The following LAMB4 variants were observed in gnomAD, a reference collection of about 807,000 sequenced individuals.
The protein encoded by LAMB4 is laminin subunit beta 4.
In LAMB4, 196 loss-of-function variants were observed where a neutral mutation model predicts 199.2. The ratio of observed to expected loss-of-function variants is 0.98; its 90% CI spans 0.88 to 1.11. The LOEUF is 1.11. Ranked by LOEUF, LAMB4 falls within the 50% of genes least tolerant of loss-of-function variation. The pLI is 0.00. For missense variants in LAMB4, 2,080 were observed against 2,171.2 expected (o/e 0.96, Z 0.83); for synonymous variants, 744 against 770.6 (o/e 0.97, Z 0.57).
intron 11 of LAMB4, among the ~76,000 whole-genome samples, chr7:108,096,494 T>C (rs959287332): frequency 6.6e-6 from 1 of 152,182 alleles, no homozygotes; most frequent in African/African-American, 2.4e-5. Context: ...CTGCTTTCAA[T>C]TATTTTGGGT....
intron 1 of LAMB4, among the ~76,000 whole-genome samples, chr7:108,129,261 TGC>T (rs2150714269): frequency 1.3e-5 from 2 of 152,132 alleles, no homozygotes; most frequent in African/African-American, 4.8e-5. Flanking sequence ...AGGAAAGACA[TGC>T]ATTCCGCTCC....
At chr7:108,104,700 C>G in intron 8 of LAMB4, 81 bp from the exon 9 acceptor site, 1 of 1,524,618 alleles carries the variant, frequency 6.6e-7, no homozygotes, top group Non-Finnish European at 8.9e-7. Flanking sequence ...AAATGAAATA[C>G]CAGGTCCTGG....
rs146687998 is a variant in LAMB4, at chr7:108,115,202, C to T, written c.192+802G>A. Among the ~76,000 whole-genome samples the T allele has an allele frequency of 2.6e-3, 395 of 152,280 alleles. 1 individual carries two copies. Among genetic ancestry groups the T allele is most frequent in the African/African-American group, 9.0e-3 (373 of 41,548 alleles). The stretch of plus-strand genomic sequence containing the variant: ...AGACTAACCAAAAAGACTTTTATGT[C>T]TCATTCTGAAGGTAACAGGAAATGG... On this transcript the variant is annotated intron_variant, in intron 3 of 33. Coordinates refer to ENST00000388781, the MANE Select transcript of LAMB4 (RefSeq NM_007356.3).
chr7:108,040,426 A>T (rs1193461490), intron 29 of LAMB4, among the ~76,000 whole-genome samples: 3 of 152,208 alleles, frequency 2.0e-5, no homozygotes, highest in African/African-American at 7.2e-5. Context: ...GTTCATATGG[A>T]ACAAAAAAAC....
chr7:108,027,065 A>G (rs771959347), intron 33 of LAMB4: 1 of 340,986 alleles, frequency 2.9e-6, no homozygotes, highest in Non-Finnish European at 5.7e-6. Context: ...TGTATGACAT[A>G]AACAATATGA....
chr7:108,061,241 G>GA (rs2036149387), intron 23 of LAMB4, among the ~76,000 whole-genome samples: 1 of 151,998 alleles, frequency 6.6e-6, no homozygotes, highest in South Asian at 2.1e-4. Context: ...TCCTGGAACA[G>GA]AAAAAGGACA....
At chr7:108,098,340 GACAA>G (rs2037694982) in intron 11 of LAMB4, 59 bp downstream of exon 11, 4 of 1,488,106 alleles carry the variant, frequency 2.7e-6, no homozygotes, top group Admixed American at 4.5e-5. Context: ...CTCAAAAACA[GACAA>G]ACCAACCAAC....
chr7:108,027,628 A>T (rs2034882669), intron 33 of LAMB4, among the ~76,000 whole-genome samples: 1 of 152,246 alleles, frequency 6.6e-6, no homozygotes, highest in Non-Finnish European at 1.5e-5. Context: ...AAGTTTTAGA[A>T]GATAATAAAT....
intron 23 of LAMB4, among the ~76,000 whole-genome samples, chr7:108,058,343 T>C (rs1370845941): frequency 6.6e-6 from 1 of 152,256 alleles, no homozygotes; most frequent in Non-Finnish European, 1.5e-5. Flanking sequence ...GAATGTATGA[T>C]GTAGTTTTCA....
In LAMB4 at chr7:108,063,910, G is replaced by A. The variant is rs781537712; in HGVS notation, c.2912C>T (p.Ala971Val). 9 of 1,614,050 alleles carry A rather than the reference G, an allele frequency of 5.6e-6. No individual in the cohort carries two copies. The highest frequency in any genetic ancestry group is 7.6e-6 in the Non-Finnish European group (9 of 1,180,032). ...RISGAPCQPC[A>V]CNNNIDVTDP... ...GGTTACATCTATGTTGTTGTTGCAG[G>A]CACATGGTTGGCAAGGTGCTCCTGA... Residue 971 changes from alanine (A) to valine (V), a missense_variant, in exon 22 of 34, where the codon GCC becomes GTC. Transcript: ENST00000388781.
At chr7:108,047,769 C>G (rs1220329851) in intron 28 of LAMB4, 139 bp downstream of exon 28, 6 of 672,344 alleles carry the variant, frequency 8.9e-6, no homozygotes, top group Non-Finnish European at 1.3e-5. Context: ...TAATTTTATC[C>G]TATATTTCCA....
chr7:108,054,438 A>T (rs1214872311), intron 25 of LAMB4, among the ~76,000 whole-genome samples: 1 of 152,146 alleles, frequency 6.6e-6, no homozygotes, highest in East Asian at 1.9e-4. Context: ...CCCTATAGAT[A>T]ATGAGTTACC....
chr7:108,116,614 C>G (rs1329705016), intron 2 of LAMB4, among the ~76,000 whole-genome samples: 1 of 152,146 alleles, frequency 6.6e-6, no homozygotes, highest in Non-Finnish European at 1.5e-5. Flanking sequence ...TCTAGCATTT[C>G]CCAAATTTAT....
Position 108,024,056 on chromosome 7 carries a change from C to T in LAMB4, c.5269G>A (p.Ala1757Thr), listed in dbSNP as rs1307864593. 57 of 1,609,078 alleles carry T rather than the reference C, an allele frequency of 3.5e-5. No homozygotes were observed. The highest frequency in any genetic ancestry group is 4.8e-5 in the Non-Finnish European group (57 of 1,178,494). The change falls in exon 34 of 34, where the codon GCT (alanine) becomes ACT (threonine). Residue 1757 changes from alanine to threonine, a missense_variant. Coordinates refer to ENST00000388781, the MANE Select transcript of LAMB4 (RefSeq NM_007356.3). ...AACTCTGCCTAGCTATAGCACCTAG[C>T]ATATTTTTTTTCTTGTTCAACAATT... ...NEIVEQEKKY[A>T]RCYS
intron 18 of LAMB4, among the ~76,000 whole-genome samples, chr7:108,068,979 C>G (rs1189684721): frequency 3.3e-5 from 5 of 152,310 alleles, no homozygotes; most frequent in Middle Eastern, 3.4e-3. Flanking sequence ...ACCCACCATG[C>G]CCGGTCCCCC....
At chr7:108,105,786 A>G (rs1350668798) in intron 8 of LAMB4, 31 bp downstream of exon 8, 2 of 1,586,854 alleles carry the variant, frequency 1.3e-6, no homozygotes, top group Non-Finnish European at 1.7e-6. Context: ...CAGGTAGGAC[A>G]GCCCACTGTT....
At chr7:108,032,370 A>T (rs2035067627) in intron 31 of LAMB4, among the ~76,000 whole-genome samples, 1 of 151,772 alleles carries the variant, frequency 6.6e-6, no homozygotes, top group Admixed American at 6.6e-5. Flanking sequence ...AGCCTGGGTG[A>T]TAGAGCGAGA....
At chr7:108,099,768 C>A (rs1000030559) in intron 10 of LAMB4, among the ~76,000 whole-genome samples, 22 of 152,158 alleles carry the variant, frequency 1.4e-4, no homozygotes, top group African/African-American at 5.3e-4. Flanking sequence ...ATATAACCAC[C>A]ATTTAGGTTA....
rs562561615 is a variant in LAMB4 at position 108,108,333 on chromosome 7, GT to G, written c.403-515del. On this transcript the variant is annotated intron_variant, in intron 5 of 33. Transcript: ENST00000388781. ...CATAATCTAATTACATTGTAAAAATGTTTATGGCTTTGTGAATTATTAATTG... is the reference window on the plus strand; with the variant it reads ...CATAATCTAATTACATTGTAAAAATGTTATGGCTTTGTGAATTATTAATTG... Among the ~76,000 whole-genome samples the G allele has an allele frequency of 7.9e-5, 12 of 152,320 alleles. No individual in the cohort carries two copies. In the East Asian group the frequency reaches 2.1e-3, roughly 27 times the overall value.
Sources: allele counts gnomAD v4.1 joint callset (sites outside exome capture counted in the v4.1 genomes callset), GRCh38; gene constraint gnomAD v4.1.1; transcripts MANE v1.5; gene names NCBI Gene and HGNC (gene_info 2026-07-23, HGNC 2026-07-21).